The following PPFIBP2 variants were observed in gnomAD, a reference collection of about 807,000 sequenced individuals.
PPFIBP2 encodes liprin-beta-2.
PPFIBP2 carries 118 observed loss-of-function variants against 118.3 expected under a neutral mutation model. The observed-to-expected ratio is 1.00, with a 90% CI of 0.86 to 1.16. The LOEUF (loss-of-function observed/expected upper bound fraction) is 1.16, where lower values mean the gene tolerates loss of function less well. PPFIBP2 is among the 50% of genes most tolerant of loss of function. The pLI, the probability that PPFIBP2 is intolerant of heterozygous loss-of-function variation, is 0.00. For synonymous variants in PPFIBP2, 414 were observed against 397.4 expected, an observed-to-expected ratio of 1.04 and a Z score of -0.50; for missense variants, 1,195 against 1,073.1, an observed-to-expected ratio of 1.11 and a Z score of -1.59.
the PPFIBP2 span, chr11:7,665,989 G>T: frequency 6.0e-6 from 8 of 1,342,600 alleles, no homozygotes; most frequent in Non-Finnish European, 4.1e-6. Flanking sequence ...GCGCGCCTGT[G>T]GGGTGCTCTG....
intron 3 of PPFIBP2, among the ~76,000 whole-genome samples, chr11:7,588,343 C>T (rs890901992): frequency 3.3e-5 from 5 of 152,192 alleles, no homozygotes; most frequent in Non-Finnish European, 5.9e-5. Context: ...CTCTCTCTGT[C>T]CTCTCCCTGC....
intron 17 of PPFIBP2, among the ~76,000 whole-genome samples, 164 bp downstream of exon 17, chr11:7,642,590 A>G (rs1237003955): frequency 6.6e-6 from 1 of 152,088 alleles, no homozygotes; most frequent in African/African-American, 2.4e-5. Flanking sequence ...CCAGCACAAT[A>G]TCTCCTAAGT....
At chr11:7,633,853 G>A (rs570260873) in intron 12 of PPFIBP2, among the ~76,000 whole-genome samples, 16 of 152,304 alleles carry the variant, frequency 1.1e-4, no homozygotes, top group South Asian at 6.2e-4. Context: ...TGACTTACTC[G>A]TATAATCTGA....
At chr11:7,579,288 T>C (rs575699239) in intron 3 of PPFIBP2, among the ~76,000 whole-genome samples, 2 of 152,148 alleles carry the variant, frequency 1.3e-5, no homozygotes, top group Non-Finnish European at 2.9e-5. Flanking sequence ...CCAGTCTAGT[T>C]CTCTTTATTC....
chr11:7,534,045 G>A (rs537113104), intron 1 of PPFIBP2, among the ~76,000 whole-genome samples: 117 of 152,344 alleles, frequency 7.7e-4, no homozygotes, highest in Non-Finnish European at 2.4e-4. Flanking sequence ...GAGAGATGAT[G>A]AGGTTCTAAA....
chr11:7,637,330 A>G (rs1022319410), intron 14 of PPFIBP2, among the ~76,000 whole-genome samples: 55 of 152,298 alleles, frequency 3.6e-4, no homozygotes, highest in African/African-American at 1.3e-3. Flanking sequence ...CTCCTCTTCT[A>G]GATTGCTATT....
chr11:7,537,537 C>G (rs907882140), intron 1 of PPFIBP2, among the ~76,000 whole-genome samples: 1 of 152,230 alleles, frequency 6.6e-6, no homozygotes, highest in African/African-American at 2.4e-5. Context: ...CTAGTCCTGG[C>G]TCTTCACATC....
intron 17 of PPFIBP2, among the ~76,000 whole-genome samples, chr11:7,646,150 T>C (rs1222203828): frequency 6.6e-6 from 1 of 152,214 alleles, no homozygotes; most frequent in Non-Finnish European, 1.5e-5. Flanking sequence ...TGGGAAAAGG[T>C]TGAAATTTCT....
intron 1 of PPFIBP2, among the ~76,000 whole-genome samples, chr11:7,523,110 G>T (rs1382721493): frequency 1.3e-5 from 2 of 152,174 alleles, no homozygotes; most frequent in African/African-American, 4.8e-5. Context: ...ATGGCTGGAT[G>T]AGGGCTACAG....
chr11:7,656,018 A>G (rs1854653566), downstream of PPFIBP2, among the ~76,000 whole-genome samples: 3 of 152,192 alleles, frequency 2.0e-5, no homozygotes, highest in Admixed American at 6.5e-5. Context: ...GGCCTCGAAA[A>G]GCAGCTTTGG....
chr11:7,652,143 T>G (rs941952007), intron 23 of PPFIBP2, among the ~76,000 whole-genome samples: 1 of 152,264 alleles, frequency 6.6e-6, no homozygotes, highest in African/African-American at 2.4e-5. Flanking sequence ...TGACTCACCT[T>G]GCAGAGCGGA....
chr11:7,519,119 A>G (rs113176837), intron 1 of PPFIBP2, among the ~76,000 whole-genome samples: 3 of 152,010 alleles, frequency 2.0e-5, no homozygotes, highest in African/African-American at 7.3e-5. Context: ...GGCTGGGAAG[A>G]TGGCAGCTGA....
At chr11:7,665,969 A>C in the PPFIBP2 span, 1 of 1,496,506 alleles carries the variant, frequency 6.7e-7, no homozygotes, top group African/African-American at 1.4e-5. Flanking sequence ...AGCCGGGAGC[A>C]GTGTGAGAGG....
In PPFIBP2 at chr11:7,633,707, A is replaced by T. The variant is rs139207907; in HGVS notation, c.1136+773A>T. Among the ~76,000 whole-genome samples the T allele has an allele frequency of 4.0e-3, 608 of 152,288 alleles. 7 individuals are homozygous for T. The highest frequency in any genetic ancestry group is 0.022 in the South Asian group (108 of 4,822). On this transcript the variant is annotated intron_variant, in intron 12 of 23. Transcript: ENST00000299492. ...GCCTTTAGCCCAGAGGAAAATGGTA[A>T]TGTTAGAGAAGTTGATCAGGCAGTC...
intron 14 of PPFIBP2, among the ~76,000 whole-genome samples, chr11:7,636,251 G>A (rs1180310658): frequency 1.3e-5 from 2 of 151,338 alleles, no homozygotes; most frequent in African/African-American, 4.9e-5. Flanking sequence ...CTCATTGCTT[G>A]CTGACTTCTG....
At chr11:7,625,682 C>G (rs1453312961) in intron 7 of PPFIBP2, 95 bp from the exon 8 acceptor site, 2 of 944,004 alleles carry the variant, frequency 2.1e-6, no homozygotes, top group Admixed American at 3.8e-5. Context: ...CTGATGCACC[C>G]TGGTGCCTGA....
intron 1 of PPFIBP2, among the ~76,000 whole-genome samples, chr11:7,523,168 G>A (rs1029330915): frequency 3.9e-5 from 6 of 152,074 alleles, no homozygotes; most frequent in Non-Finnish European, 5.9e-5. Flanking sequence ...CACTGCTGTC[G>A]GGAGACTCAG....
downstream of PPFIBP2, chr11:7,655,634 C>A: frequency 1.5e-6 from 1 of 668,468 alleles, no homozygotes; most frequent in Non-Finnish European, 2.3e-6. Context: ...ACAGCCTGAG[C>A]CTGAGCCAGC....
At chr11:7,519,780 A>G (rs1379482962) in intron 1 of PPFIBP2, among the ~76,000 whole-genome samples, 1 of 152,152 alleles carries the variant, frequency 6.6e-6, no homozygotes, top group African/African-American at 2.4e-5. Flanking sequence ...GTGTCCCCCT[A>G]AGACCAGATG....
Sources: allele counts gnomAD v4.1 joint callset (sites outside exome capture counted in the v4.1 genomes callset), GRCh38; gene constraint gnomAD v4.1.1; transcripts MANE v1.5; gene names NCBI Gene and HGNC (gene_info 2026-07-23, HGNC 2026-07-21).